TMEM82: variants seen among roughly 807,000 people sequenced by gnomAD.
TMEM82 encodes the protein transmembrane protein 82.
In TMEM82, 30 loss-of-function variants were observed where a neutral mutation model predicts 29.2. That is an observed-to-expected ratio of 1.03 (90% confidence interval 0.77 to 1.39). The LOEUF is 1.39. TMEM82 is among the 40% of genes most tolerant of loss of function. TMEM82 has a pLI of 0.00. For synonymous variants in TMEM82, 221 were observed against 225.4 expected (o/e 0.98, Z 0.18); for missense variants, 442 against 447.7 (o/e 0.99, Z 0.12).
chr1:15,745,553 A>AAGAGAGAGAGAGAGAAAGAGAGAG (rs2068328254), intron 4 of TMEM82, among the ~76,000 whole-genome samples: 1 of 148,538 alleles, frequency 6.7e-6, no homozygotes, highest in Non-Finnish European at 1.5e-5. Flanking sequence ...GAAAGAGAGA[A>AAGAGAGAGAGAGAGAAAGAGAGAG]AGAGAGAAAG....
At position 15,742,901 on chromosome 1, in the gene TMEM82, G is replaced by A; in HGVS notation, c.155G>A (p.Cys52Tyr). Reference protein sequence around the residue: ...SLLKVYFFVGCANDPQRRPEK... With the variant: ...SLLKVYFFVGYANDPQRRPEK... ...CTGAAAGTTTACTTCTTCGTGGGCT[G>A]TGCCAAGTGAGTGCCCACCTCATCC... is the stretch of plus-strand genomic sequence containing the variant. The change falls in exon 2 of 6, where the codon TGT becomes TAT. Residue 52 changes from cysteine (C) to tyrosine (Y), a missense_variant. Coordinates refer to ENST00000375782, the MANE Select transcript of TMEM82 (RefSeq NM_001013641.3). The A allele has an allele frequency of 1.2e-6, 2 of 1,612,856 alleles. No individual in the cohort carries two copies. The highest frequency in any genetic ancestry group is 2.2e-5 in the South Asian group (2 of 91,086).
chr1:15,747,442 C>A, intron 5 of TMEM82, 104 bp from the exon 6 acceptor site: 1 of 988,034 alleles, frequency 1.0e-6, no homozygotes. Flanking sequence ...TCTCCAGCAA[C>A]AACCCAGAGG....
chr1:15,745,849 T>G (rs1234679974), intron 4 of TMEM82, among the ~76,000 whole-genome samples: 3 of 148,224 alleles, frequency 2.0e-5, no homozygotes, highest in Non-Finnish European at 3.0e-5. Flanking sequence ...GATCGCACCA[T>G]TGCACTCCAA....
At chr1:15,747,194 A>G in intron 5 of TMEM82, 140 bp downstream of exon 5, 1 of 922,720 alleles carries the variant, frequency 1.1e-6, no homozygotes. Context: ...CAGGAGGCTG[A>G]GACCTGAGAA....
rs746200839 is a variant in TMEM82, at chr1:15,744,480, T to C, written c.657T>C (p.Ala219=). The C allele has an allele frequency of 6.2e-7, 1 of 1,611,318 alleles. No homozygotes were observed. The highest frequency in any genetic ancestry group is 8.5e-7 in the Non-Finnish European group (1 of 1,179,410). ...CCTTTGCCGTGGGTGACCTGGCAGC[T>C]GTGGCCCTCATCAACCAGGACTTCC... The part of the protein sequence containing the change: ...AIAFAVGDLA[A]VALINQDFLT... The change falls in exon 4 of 6, where the codon GCT becomes GCC. Residue 219 remains alanine, a synonymous_variant. Transcript: ENST00000375782. This position sits in a 1 kb window ranked among gnomAD's most constrained non-coding sequence, Gnocchi z 5.2.
chr1:15,744,425 C>G lies in TMEM82; in HGVS notation c.602C>G (p.Pro201Arg). Residue 201 changes from proline (P) to arginine (R), a missense_variant, in exon 4 of 6, where the codon CCC (proline) becomes CGC (arginine). Pro to Arg is a moderately radical substitution (Grantham distance 103). Transcript: ENST00000375782. The surrounding 1 kb of genome is among the most constrained non-coding windows in gnomAD (Gnocchi z 5.2). ...LGLLAHAHGL[P>R]QLLGRALAIA... ...CTGCTGGCCCATGCACATGGCCTCC[C>G]CCAGCTGCTGGGCCGTGCCCTGGCC... 6.3e-7 allele frequency: 1 copy of G among 1,592,432 alleles called. No individual in the cohort carries two copies. Among genetic ancestry groups the G allele is most frequent in the Non-Finnish European group, 8.5e-7 (1 of 1,170,196 alleles).
intron 5 of TMEM82, 27 bp downstream of exon 5, chr1:15,747,081 C>A: frequency 6.3e-7 from 1 of 1,592,320 alleles, no homozygotes. Context: ...CATGTGTCCC[C>A]CAGACAATGA....
intron 4 of TMEM82, 114 bp from the exon 5 acceptor site, chr1:15,746,753 G>T: frequency 1.2e-6 from 1 of 841,888 alleles, no homozygotes; most frequent in South Asian, 1.7e-5. Context: ...AGGATGTGAT[G>T]GGAGGAGGGC....
intron 4 of TMEM82, among the ~76,000 whole-genome samples, chr1:15,745,896 A>G (rs1367658244): frequency 6.7e-6 from 1 of 150,040 alleles, no homozygotes; most frequent in African/African-American, 2.5e-5. Flanking sequence ...CTCAAACAAA[A>G]AAAAAAAAAA....
rs780704397 is a variant in TMEM82, at chr1:15,743,111, A to T, written c.253A>T (p.Thr85Ser). The T allele has an allele frequency of 1.8e-5, 29 of 1,611,868 alleles. No individual in the cohort carries two copies. The highest frequency in any genetic ancestry group is 1.6e-4 in the Middle Eastern group (1 of 6,082). ...CCTGGCAGGGCTGGCCCTGTTTCTG[A>T]CGGTCGTGGGGTCCCGGGTGGCTGC... ...VHLAGLALFLTVVGSRVAALV... is the reference protein window; with the variant it reads ...VHLAGLALFLSVVGSRVAALV... Residue 85 changes from threonine to serine, a missense_variant, in exon 3 of 6, where the codon ACG (threonine) becomes TCG (serine). Physicochemically the swap from Thr to Ser is moderately conservative, Grantham distance 58 (BLOSUM62 1). Transcript: ENST00000375782.
In TMEM82 at chr1:15,744,213, G is replaced by T. The variant is rs375827855; in HGVS notation, c.390G>T (p.Ser130=). Residue 130 remains serine (S), a synonymous_variant, in exon 4 of 6, where the codon TCG becomes TCT. Transcript: ENST00000375782. This position sits in a 1 kb window ranked among gnomAD's most constrained non-coding sequence, Gnocchi z 5.2. ...AGCTCTACCTGCTGTGCCAGTACTC[G>T]CTGGGCTGCGGGCTGACCTGTGGCC... ...RLQLYLLCQY[S]LGCGLTCGLS... is the part of the protein sequence containing the mutation. 1.9e-6 allele frequency: 3 copies of T among 1,590,908 alleles called. No homozygotes were observed. Among genetic ancestry groups the T allele is most frequent in the South Asian group, 1.1e-5 (1 of 88,434 alleles).
Position 15,743,090 on chromosome 1 carries a change from G to A in TMEM82, c.232G>A (p.Ala78Thr). ...QWASLETVHLAGLALFLTVVG... is the reference protein window; with the variant it reads ...QWASLETVHLTGLALFLTVVG... ...GGCCTCCCTGGAAACGGTGCACCTG[G>A]CAGGGCTGGCCCTGTTTCTGACGGT... Residue 78 changes from alanine (A) to threonine (T), a missense_variant, in exon 3 of 6, where the codon GCA (alanine) becomes ACA (threonine). Coordinates refer to ENST00000375782, the MANE Select transcript of TMEM82 (RefSeq NM_001013641.3). The A allele has an allele frequency of 6.2e-7, 1 of 1,611,320 alleles. No individual in the cohort carries two copies. Among genetic ancestry groups the A allele is most frequent in the African/African-American group, 1.3e-5 (1 of 75,038 alleles).
rs780865229 is a variant in TMEM82, at chr1:15,747,667, C to G, written c.*35C>G. On this transcript the variant is annotated 3_prime_UTR_variant, in exon 6 of 6. Coordinates refer to ENST00000375782, the MANE Select transcript of TMEM82 (RefSeq NM_001013641.3). ...GGGAGGATCTGGAGTCTGTCTCAAG[C>G]CCACTAGCCTGATCTCCGAGGCCTT... is the stretch of plus-strand genomic sequence containing the variant. The G allele has an allele frequency of 6.3e-7, 1 of 1,577,890 alleles. No homozygotes were observed. Among genetic ancestry groups the G allele is most frequent in the Admixed American group, 1.7e-5 (1 of 59,264 alleles).
chr1:15,742,519 C>G lies in TMEM82; in HGVS notation c.-41C>G, dbSNP rs746775559. 6.0e-6 allele frequency: 9 copies of G among 1,509,348 alleles called. No individual in the cohort carries two copies. The Admixed American group carries it at 1.2e-4, about 20-fold the overall frequency. 93.5% of individuals were successfully genotyped at this position (1,509,348 alleles called of 1,614,324 possible). A position where few individuals can be genotyped will look rare whatever the true frequency, so the allele number is the denominator to read the frequency against. On this transcript the variant is annotated 5_prime_UTR_variant, in exon 1 of 6. Coordinates refer to ENST00000375782, the MANE Select transcript of TMEM82 (RefSeq NM_001013641.3). ...GCCCAGTGACGTTGGTCTGTCCTTA[C>G]GCAGACCTGGCCGGAGGCTGGGGCT...
At chr1:15,743,721 A>C (rs2148394496) in intron 3 of TMEM82, among the ~76,000 whole-genome samples, 1 of 152,324 alleles carries the variant, frequency 6.6e-6, no homozygotes, top group Admixed American at 6.5e-5. Context: ...TGGGAGGCCG[A>C]GGCAGGCGGA....
chr1:15,742,947 G>A (rs1486764879), intron 2 of TMEM82, 40 bp downstream of exon 2: 1 of 1,609,398 alleles, frequency 6.2e-7, no homozygotes, highest in African/African-American at 1.3e-5. Flanking sequence ...TGTGGCTGGG[G>A]GCACGGGGAC....
intron 3 of TMEM82, among the ~76,000 whole-genome samples, chr1:15,743,912 C>T (rs1373567383): frequency 4.6e-5 from 7 of 151,796 alleles, no homozygotes; most frequent in African/African-American, 9.7e-5. Flanking sequence ...TTGCAGTGAG[C>T]GGAGATCGAG....
Position 15,742,555 on chromosome 1 carries a change from C to G in TMEM82, c.-5C>G. On this transcript the variant is annotated 5_prime_UTR_variant, in exon 1 of 6. Transcript: ENST00000375782. ...CCGGAGGCTGGGGCTCCTTCCGGGGCTGCCATGTTCTCTCTTCCATCCCTC... is the reference window on the plus strand; with the variant it reads ...CCGGAGGCTGGGGCTCCTTCCGGGGGTGCCATGTTCTCTCTTCCATCCCTC... The G allele has an allele frequency of 6.3e-7, 1 of 1,576,018 alleles. No homozygotes were observed. Among genetic ancestry groups the G allele is most frequent in the Non-Finnish European group, 8.6e-7 (1 of 1,163,696 alleles).
At position 15,742,568 on chromosome 1, in the gene TMEM82, T is replaced by C; in HGVS notation, c.9T>C (p.Ser3=). 1 of 1,587,388 alleles carries C rather than the reference T, an allele frequency of 6.3e-7. No homozygotes were observed. Among genetic ancestry groups the C allele is most frequent in the Non-Finnish European group, 8.6e-7 (1 of 1,168,640 alleles). The change falls in exon 1 of 6, where the codon TCT becomes TCC. Residue 3 remains serine, a synonymous_variant. Coordinates refer to ENST00000375782, the MANE Select transcript of TMEM82 (RefSeq NM_001013641.3). MF[S]LPSLPSWLPG... is the part of the protein sequence containing the mutation. ...CTCCTTCCGGGGCTGCCATGTTCTC[T>C]CTTCCATCCCTCCCCTCCTGGCTCC...
Sources: gnomAD v4.1 joint callset for allele counts (sites outside exome capture counted in the v4.1 genomes callset) on GRCh38, gnomAD v4.1.1 for gene constraint, Gnocchi (gnomAD v3.1) non-coding constraint, MANE v1.5 for transcripts, NCBI Gene and HGNC (gene_info 2026-07-23, HGNC 2026-07-21) for gene names.